The following MEG3 variants were observed in gnomAD, a reference collection of about 807,000 sequenced individuals.
MEG3 encodes the protein Very putative protein from MEG3 locus.
chr14:100,847,723 C>G (rs1192113556), intron 3 of MEG3: 1 of 152,054 alleles, frequency 6.6e-6, no homozygotes, highest in Non-Finnish European at 1.5e-5. Flanking sequence ...TTGGGGTCCC[C>G]CCTGGGCACC....
At chr14:100,851,797 C>G (rs1432500859) in intron 3 of MEG3, 1 of 153,576 alleles carries the variant, frequency 6.5e-6, no homozygotes, top group Non-Finnish European at 1.5e-5. Flanking sequence ...TCTGACTCGC[C>G]CTCCGGGGGA....
rs574871317 is a variant in MEG3, at chr14:100,828,512, C to G, written n.372-196C>G. ...CCCTCCCCTTCTCTCCTCCCCTCTCCCTGCCCCCCTCCTTCCTCCCTCCAT... is the reference window on the plus strand; with the variant it reads ...CCCTCCCCTTCTCTCCTCCCCTCTCGCTGCCCCCCTCCTTCCTCCCTCCAT... On this transcript the variant is annotated intron_variant and non_coding_transcript_variant, in intron 1 of 2. Coordinates refer to ENST00000556407, the Ensembl canonical transcript of MEG3. 7.0e-3 allele frequency among the ~76,000 whole-genome samples: 283 copies of G among 40,494 alleles called. 7 individuals are homozygous for G. The highest frequency in any genetic ancestry group is 0.02 in the African/African-American group (272 of 13,634). 26.6% of individuals were successfully genotyped at this position (40,494 alleles called of 152,430 possible).
intron 2 of MEG3, among the ~76,000 whole-genome samples, chr14:100,843,833 G>GT (rs11307044): frequency 0.036 from 2,564 of 70,620 alleles, 65 homozygotes; most frequent in East Asian, 0.064. Flanking sequence ...CCCGGGACCT[G>GT]TTTTTTTTTT....
chr14:100,831,670 C>T (rs143383030), downstream of MEG3: 12 of 152,360 alleles, frequency 7.9e-5, 1 homozygote, highest in East Asian at 2.1e-3. Flanking sequence ...CACAGAGACA[C>T]TTGCTCCCCC....
chr14:100,860,717 A>G (rs972719745), intron 1 of MEG3: 2 of 456,562 alleles, frequency 4.4e-6, no homozygotes, highest in East Asian at 7.0e-5. Flanking sequence ...GACACCCTGC[A>G]CCTATTCCCA....
At chr14:100,836,968 C>G (rs1022705408) in intron 2 of MEG3, among the ~76,000 whole-genome samples, 1 of 152,188 alleles carries the variant, frequency 6.6e-6, no homozygotes, top group Non-Finnish European at 1.5e-5. Context: ...ACAATTCACT[C>G]GAGGACCCAT....
chr14:100,855,268 C>T (rs1357425962), upstream of MEG3: 1 of 152,472 alleles, frequency 6.6e-6, no homozygotes, highest in Non-Finnish European at 1.5e-5. Context: ...TGCTTTTGGC[C>T]TTTTCTTCTC....
chr14:100,858,186 G>A (rs142547171), exon 1 of MEG3: 4,505 of 152,716 alleles, frequency 0.029, 84 homozygotes, highest in Non-Finnish European at 0.044. Context: ...CCAGCCCCCA[G>A]CAAATGCAGC....
At chr14:100,838,545 G>A (rs2037657842) in intron 2 of MEG3, among the ~76,000 whole-genome samples, 1 of 152,198 alleles carries the variant, frequency 6.6e-6, no homozygotes, top group South Asian at 2.1e-4. Context: ...TTGATGGATT[G>A]GCCAATGCCT....
chr14:100,829,439 G>A (rs2139936857), downstream of MEG3: 1 of 152,366 alleles, frequency 6.6e-6, no homozygotes, highest in South Asian at 2.1e-4. Flanking sequence ...CAACTCCAAG[G>A]CCCTGGGTGG....
chr14:100,826,169 G>A (rs944662889), intron 1 of MEG3: 1 of 152,218 alleles, frequency 6.6e-6, no homozygotes, highest in Non-Finnish European at 1.5e-5. Context: ...TGGCCTTGGC[G>A]GCGGCTCCTC....
intron 2 of MEG3, among the ~76,000 whole-genome samples, chr14:100,842,938 T>C (rs1474442008): frequency 6.6e-6 from 1 of 152,198 alleles, no homozygotes; most frequent in Non-Finnish European, 1.5e-5. Flanking sequence ...GGCCTCGTGT[T>C]TTTCTTTGGT....
At chr14:100,834,492 G>A (rs1369509813) in exon 1 of MEG3, 5 of 317,466 alleles carry the variant, frequency 1.6e-5, no homozygotes, top group East Asian at 8.8e-5. Context: ...CTGAGGCACC[G>A]GCAGAGGGGT....
At chr14:100,829,050 G>C (rs182147702) in exon 3 of MEG3, 1 of 152,296 alleles carries the variant, frequency 6.6e-6, no homozygotes, top group African/African-American at 2.4e-5. Flanking sequence ...CTAGGAGCAC[G>C]GTTTCCTGGA....
chr14:100,827,481 G>A (rs1332726576), intron 1 of MEG3: 1 of 152,294 alleles, frequency 6.6e-6, no homozygotes, highest in Non-Finnish European at 1.5e-5. Flanking sequence ...CAGAGGCCGG[G>A]GTCGGCCTTT....
At chr14:100,852,783 C>A (rs556458543), upstream of MEG3, 2 of 211,642 alleles carry the variant, frequency 9.4e-6, no homozygotes, top group Non-Finnish European at 1.9e-5. Flanking sequence ...AAGGAACAAG[C>A]GACGTTGGCT....
At chr14:100,829,775 C>CG (rs1432900548), downstream of MEG3, 2 of 152,308 alleles carry the variant, frequency 1.3e-5, no homozygotes, top group Admixed American at 6.5e-5. Flanking sequence ...AGACCATCGA[C>CG]GGGCTGACTT....
intron 3 of MEG3, chr14:100,852,117 G>A (rs1205471123): frequency 9.0e-6 from 3 of 335,092 alleles, no homozygotes; most frequent in South Asian, 2.2e-5. Flanking sequence ...GCCATCTGGA[G>A]TGGGAGGCGT....
chr14:100,836,416 G>A (rs2037582107), intron 2 of MEG3: 1 of 430,850 alleles, frequency 2.3e-6, no homozygotes, highest in Non-Finnish European at 4.5e-6. Context: ...CTGCCAAGGT[G>A]AATTCTCTTC....
Sources: gnomAD v4.1 joint callset for allele counts (sites outside exome capture counted in the v4.1 genomes callset) on GRCh38, gnomAD v4.1.1 for gene constraint, MANE v1.5 for transcripts, NCBI Gene and HGNC (gene_info 2026-07-23, HGNC 2026-07-21) for gene names.